The following PABPC4L variants were observed in gnomAD, a reference collection of about 807,000 sequenced individuals.
The protein encoded by PABPC4L is poly(A) binding protein cytoplasmic 4 like.
For synonymous variants in PABPC4L, 169 were observed against 164.1 expected (o/e 1.03, Z -0.23); for missense variants, 452 against 451.4 (o/e 1.00, Z -0.01).
At chr4:133,956,993 T>A in the PABPC4L span, among the ~76,000 whole-genome samples, 4 of 152,154 alleles carry the variant, frequency 2.6e-5, no homozygotes, top group African/African-American at 9.7e-5. Context: ...GTGATTTGGG[T>A]GGGGACACAA....
the PABPC4L span, among the ~76,000 whole-genome samples, chr4:134,188,926 C>T: frequency 6.6e-6 from 1 of 151,844 alleles, no homozygotes; most frequent in African/African-American, 2.4e-5. Context: ...TTAATATTTT[C>T]ATTATTCGTA....
chr4:134,003,735 C>G, the PABPC4L span, among the ~76,000 whole-genome samples: 1 of 151,794 alleles, frequency 6.6e-6, no homozygotes, highest in Non-Finnish European at 1.5e-5. Flanking sequence ...GACAATAGAA[C>G]AGATGGCACA....
chr4:134,080,860 G>T, the PABPC4L span, among the ~76,000 whole-genome samples: 3 of 151,990 alleles, frequency 2.0e-5, no homozygotes, highest in East Asian at 3.9e-4. Flanking sequence ...CACCAAGAAG[G>T]TTCCATAGGG....
At chr4:134,048,195 A>G in the PABPC4L span, among the ~76,000 whole-genome samples, 1 of 152,130 alleles carries the variant, frequency 6.6e-6, no homozygotes. Context: ...TTTAATATTT[A>G]TATGTCTTTA....
the PABPC4L span, among the ~76,000 whole-genome samples, chr4:134,088,051 C>A: frequency 2.0e-5 from 3 of 152,166 alleles, no homozygotes; most frequent in South Asian, 6.2e-4. Context: ...CACCTGACCA[C>A]CTAAGAGCTC....
the PABPC4L span, among the ~76,000 whole-genome samples, chr4:134,136,245 T>C: frequency 6.6e-6 from 1 of 152,134 alleles, no homozygotes; most frequent in Admixed American, 6.6e-5. Flanking sequence ...AGGTGCTGTA[T>C]TTATTGAGCT....
chr4:133,953,754 T>G, the PABPC4L span, among the ~76,000 whole-genome samples: 2 of 152,270 alleles, frequency 1.3e-5, no homozygotes, highest in East Asian at 3.9e-4. Context: ...GCAGGACTCA[T>G]TGCCTGGGAG....
chr4:134,044,842 A>C, the PABPC4L span, among the ~76,000 whole-genome samples: 1 of 152,282 alleles, frequency 6.6e-6, no homozygotes, highest in Non-Finnish European at 1.5e-5. Flanking sequence ...ATACCTTATT[A>C]TTTGGCAGTG....
the PABPC4L span, among the ~76,000 whole-genome samples, chr4:134,084,495 T>G: frequency 6.6e-6 from 1 of 152,070 alleles, no homozygotes; most frequent in Non-Finnish European, 1.5e-5. Flanking sequence ...TTGATGGATT[T>G]TTTTTTAAAA....
chr4:134,108,222 C>T, the PABPC4L span, among the ~76,000 whole-genome samples: 692 of 151,770 alleles, frequency 4.6e-3, 9 homozygotes, highest in African/African-American at 0.016. Flanking sequence ...ATTGTGATAA[C>T]ATATTATGGC....
the PABPC4L span, among the ~76,000 whole-genome samples, chr4:134,002,529 C>CT: frequency 6.6e-6 from 1 of 151,718 alleles, no homozygotes; most frequent in Non-Finnish European, 1.5e-5. Flanking sequence ...TTCAGAGAAA[C>CT]TTTTTTTATT....
At chr4:134,195,599 T>C (rs574095230), downstream of PABPC4L, among the ~76,000 whole-genome samples, 8 of 151,918 alleles carry the variant, frequency 5.3e-5, no homozygotes, top group South Asian at 8.3e-4. Context: ...AATATCATTG[T>C]ACAAATTATG....
the PABPC4L span, among the ~76,000 whole-genome samples, chr4:134,074,007 T>C: frequency 7.2e-5 from 11 of 152,192 alleles, no homozygotes; most frequent in African/African-American, 2.7e-4. Flanking sequence ...TGACATGCCC[T>C]GGAGACATTT....
the PABPC4L span, among the ~76,000 whole-genome samples, chr4:133,963,575 T>C: frequency 3.1e-4 from 47 of 152,002 alleles, no homozygotes; most frequent in African/African-American, 5.6e-4. Context: ...TTCTCCAAGA[T>C]AGACCTTATG....
At chr4:133,963,492 C>T in the PABPC4L span, among the ~76,000 whole-genome samples, 3 of 152,004 alleles carry the variant, frequency 2.0e-5, no homozygotes, top group Admixed American at 6.6e-5. Context: ...AATGAATGGA[C>T]TTAAGAGATA....
chr4:134,131,566 C>T, the PABPC4L span, among the ~76,000 whole-genome samples: 1 of 151,752 alleles, frequency 6.6e-6, no homozygotes, highest in African/African-American at 2.4e-5. Flanking sequence ...AAATGAAACA[C>T]ATTCCATGCT....
the PABPC4L span, among the ~76,000 whole-genome samples, chr4:134,173,482 T>C: frequency 2.0e-5 from 3 of 152,100 alleles, no homozygotes; most frequent in African/African-American, 7.2e-5. Context: ...TCACATGTTC[T>C]CACTCATATG....
chr4:134,184,695 G>A, the PABPC4L span, among the ~76,000 whole-genome samples: 1 of 151,690 alleles, frequency 6.6e-6, no homozygotes, highest in South Asian at 2.1e-4. Flanking sequence ...TCACTCCTTT[G>A]TGTAGATACC....
the PABPC4L span, among the ~76,000 whole-genome samples, chr4:134,058,271 A>T: frequency 5.3e-5 from 8 of 152,142 alleles, no homozygotes; most frequent in South Asian, 1.7e-3. Context: ...AGAAAAATAG[A>T]TTTGTTGTTT....
Sources: allele counts gnomAD v4.1 joint callset (sites outside exome capture counted in the v4.1 genomes callset), GRCh38; gene constraint gnomAD v4.1.1; transcripts MANE v1.5; gene names NCBI Gene and HGNC (gene_info 2026-07-23, HGNC 2026-07-21).